NEK7: variants seen among roughly 807,000 people sequenced by gnomAD.
NEK7 encodes serine/threonine-protein kinase Nek7.
Under a neutral mutation model 44.6 loss-of-function variants are expected in NEK7, and 18 were observed. That is an observed-to-expected ratio of 0.40 (90% CI 0.28 to 0.60). The LOEUF (loss-of-function observed/expected upper bound fraction) is 0.60. NEK7 is among the 20% of genes least tolerant of loss of function. The pLI, the probability that NEK7 is intolerant of heterozygous loss-of-function variation, is 0.38. For missense variants in NEK7, 256 were observed against 366.5 expected (o/e 0.70, Z 2.46); for synonymous variants, 130 against 121.1 (o/e 1.07, Z -0.48).
intron 1 of NEK7, among the ~76,000 whole-genome samples, chr1:198,188,282 A>G (rs1488133346): frequency 2.1e-4 from 32 of 152,220 alleles, no homozygotes; most frequent in Admixed American, 6.5e-5. Context: ...TTAGCTTACC[A>G]CAACTTCATA....
chr1:198,307,837 T>C (rs79741088), intron 9 of NEK7, among the ~76,000 whole-genome samples: 12,251 of 152,180 alleles, frequency 0.081, 650 homozygotes, highest in East Asian at 0.17. Context: ...TTGAAATTAG[T>C]GTTACTAATA....
chr1:198,314,826 C>T (rs1189152166), intron 9 of NEK7, among the ~76,000 whole-genome samples: 1 of 152,194 alleles, frequency 6.6e-6, no homozygotes, highest in Non-Finnish European at 1.5e-5. Context: ...AGAACCACTG[C>T]TCTCTTCAAA....
chr1:198,270,398 ACT>A lies in NEK7; in HGVS notation c.372+6165_372+6166del, dbSNP rs374857828. Reference sequence around the variant, plus strand: ...ATGTAACCTAATGTTTTGAGAAGAAACTCAGAGGTTTGTTATCTGCCAAGAGA... The same window carrying A: ...ATGTAACCTAATGTTTTGAGAAGAAACAGAGGTTTGTTATCTGCCAAGAGA... On this transcript the variant is annotated intron_variant, in intron 5 of 9. Transcript: ENST00000367385. 3.1e-4 allele frequency among the ~76,000 whole-genome samples: 47 copies of A among 152,130 alleles called. No individual in the cohort carries two copies. In the South Asian group the frequency reaches 9.3e-3, roughly 30 times the overall value.
At chr1:198,208,266 G>A (rs980800410) in intron 1 of NEK7, among the ~76,000 whole-genome samples, 18 of 152,226 alleles carry the variant, frequency 1.2e-4, no homozygotes, top group East Asian at 3.9e-4. Context: ...AATCTGGAGC[G>A]TAAGATGTTA....
chr1:198,269,868 A>C (rs1653780865), intron 5 of NEK7, among the ~76,000 whole-genome samples: 1 of 152,092 alleles, frequency 6.6e-6, no homozygotes, highest in African/African-American at 2.4e-5. Flanking sequence ...TTTAGGATAA[A>C]AGGAAATCTA....
chr1:198,252,125 G>T (rs1027306550), intron 2 of NEK7, among the ~76,000 whole-genome samples: 7 of 151,964 alleles, frequency 4.6e-5, no homozygotes, highest in Non-Finnish European at 8.8e-5. Context: ...CCTTCATTTC[G>T]TTATGTACCC....
chr1:198,216,525 G>A (rs1386323326), intron 1 of NEK7, among the ~76,000 whole-genome samples: 1 of 151,754 alleles, frequency 6.6e-6, no homozygotes, highest in Non-Finnish European at 1.5e-5. Flanking sequence ...CTTCTTCTTA[G>A]AGAGACAAGA....
At chr1:198,306,206 G>A (rs1442040657) in intron 9 of NEK7, among the ~76,000 whole-genome samples, 1 of 151,702 alleles carries the variant, frequency 6.6e-6, no homozygotes, top group Non-Finnish European at 1.5e-5. Flanking sequence ...TTAGGAAATA[G>A]TTTTTCTTTA....
At chr1:198,174,895 C>T (rs1664562228) in intron 1 of NEK7, among the ~76,000 whole-genome samples, 1 of 151,894 alleles carries the variant, frequency 6.6e-6, no homozygotes, top group Admixed American at 6.6e-5. Flanking sequence ...TAGCTAGGAC[C>T]ACAGGTGTGA....
In NEK7 at chr1:198,236,647, T is replaced by G. The variant is rs181568615; in HGVS notation, c.57+4010T>G. Among the ~76,000 whole-genome samples, 31 of 152,280 alleles carry G rather than the reference T, an allele frequency of 2.0e-4. No homozygotes were observed. The East Asian group carries it at 5.6e-3, about 27-fold the overall frequency. ...TCAGAAGAGAACCTCCACAGACTCC[T>G]ACCGTAGTTATCCTCCTCCCAGAAT... On this transcript the variant is annotated intron_variant, in intron 2 of 9. Transcript: ENST00000367385.
intron 6 of NEK7, among the ~76,000 whole-genome samples, chr1:198,278,495 A>T (rs1168342900): frequency 6.7e-6 from 1 of 149,936 alleles, no homozygotes; most frequent in African/African-American, 2.5e-5. Flanking sequence ...AGTGTGAAAA[A>T]TTTTAATACA....
intron 1 of NEK7, among the ~76,000 whole-genome samples, chr1:198,204,296 G>A (rs893198341): frequency 6.6e-6 from 1 of 151,886 alleles, no homozygotes; most frequent in Non-Finnish European, 1.5e-5. Flanking sequence ...AAATATGAGA[G>A]CAAGTCATAA....
chr1:198,205,882 T>G (rs1408023875), intron 1 of NEK7, among the ~76,000 whole-genome samples: 1 of 152,162 alleles, frequency 6.6e-6, no homozygotes, highest in Non-Finnish European at 1.5e-5. Context: ...GTTAGGAATA[T>G]GAAACAAGTT....
At chr1:198,318,836 T>A (rs1655451568) in intron 9 of NEK7, among the ~76,000 whole-genome samples, 1 of 152,140 alleles carries the variant, frequency 6.6e-6, no homozygotes, top group African/African-American at 2.4e-5. Flanking sequence ...GACATTTAAA[T>A]ACTGTGTACA....
chr1:198,168,521 T>G (rs897920900), intron 1 of NEK7, among the ~76,000 whole-genome samples: 1 of 152,222 alleles, frequency 6.6e-6, no homozygotes, highest in Non-Finnish European at 1.5e-5. Flanking sequence ...ATGATCCTGT[T>G]GACTGCACAG....
chr1:198,266,916 G>A (rs1053903726), intron 5 of NEK7, among the ~76,000 whole-genome samples: 3 of 151,972 alleles, frequency 2.0e-5, no homozygotes, highest in Admixed American at 1.3e-4. Context: ...ACTCTTCAAA[G>A]TTGACTTTAT....
intron 8 of NEK7, 71 bp downstream of exon 8, chr1:198,293,110 T>A (rs578166417): frequency 1.3e-6 from 1 of 756,806 alleles, no homozygotes; most frequent in East Asian, 2.7e-5. Flanking sequence ...CCTTATAGTA[T>A]ATACTTACTT....
At chr1:198,256,884 A>T (rs1653284917) in intron 3 of NEK7, among the ~76,000 whole-genome samples, 1 of 152,154 alleles carries the variant, frequency 6.6e-6, no homozygotes, top group African/African-American at 2.4e-5. Context: ...TGGTATATGC[A>T]ATCTCTATTT....
At chr1:198,279,266 A>G (rs550002793) in intron 7 of NEK7, among the ~76,000 whole-genome samples, 11 of 152,080 alleles carry the variant, frequency 7.2e-5, no homozygotes, top group African/African-American at 2.4e-4. Flanking sequence ...ACTTGACCTC[A>G]GGCAGACACT....
Sources: gnomAD v4.1 joint callset for allele counts (sites outside exome capture counted in the v4.1 genomes callset) on GRCh38, gnomAD v4.1.1 for gene constraint, MANE v1.5 for transcripts, NCBI Gene and HGNC (gene_info 2026-07-23, HGNC 2026-07-21) for gene names.